The following PVT1 variants were observed in gnomAD, a reference collection of about 807,000 sequenced individuals.
PVT1 encodes the protein CXCR4/PVT1 fusion.
intron 6 of PVT1, among the ~76,000 whole-genome samples, chr8:128,097,551 G>T (rs1406231091): frequency 6.6e-6 from 1 of 152,146 alleles, no homozygotes; most frequent in Non-Finnish European, 1.5e-5. Context: ...TACAGAAAAA[G>T]TGTGCCAGTC....
chr8:128,074,635 A>G (rs973790427), intron 5 of PVT1, among the ~76,000 whole-genome samples: 7 of 146,908 alleles, frequency 4.8e-5, no homozygotes, highest in African/African-American at 1.9e-4. Flanking sequence ...TGGTTTTGAC[A>G]GAATAGTTGG....
intron 4 of PVT1, among the ~76,000 whole-genome samples, chr8:128,001,083 A>T (rs1212280380): frequency 6.6e-6 from 1 of 152,104 alleles, no homozygotes; most frequent in Non-Finnish European, 1.5e-5. Context: ...CAGGTTTCCA[A>T]GCTCATCACT....
At chr8:128,012,269 G>C (rs1236823507) in intron 4 of PVT1, among the ~76,000 whole-genome samples, 4 of 152,180 alleles carry the variant, frequency 2.6e-5, no homozygotes, top group Admixed American at 2.0e-4. Flanking sequence ...GCCAGGCTTG[G>C]ACCTGGGTCT....
intron 4 of PVT1, among the ~76,000 whole-genome samples, chr8:127,995,198 C>T (rs1376387951): frequency 6.6e-6 from 1 of 152,192 alleles, no homozygotes; most frequent in Non-Finnish European, 1.5e-5. Flanking sequence ...ACAGCCCCAT[C>T]ATTAAAACAA....
chr8:128,002,034 C>T (rs1224292194), intron 4 of PVT1, among the ~76,000 whole-genome samples: 1 of 152,202 alleles, frequency 6.6e-6, no homozygotes, highest in Non-Finnish European at 1.5e-5. Flanking sequence ...TCCTGCTCGA[C>T]CGAATTCACC....
At chr8:127,914,018 A>G (rs541212655) in intron 3 of PVT1, among the ~76,000 whole-genome samples, 14 of 152,256 alleles carry the variant, frequency 9.2e-5, no homozygotes, top group Admixed American at 5.2e-4. Context: ...TTGAGGCAGC[A>G]TACGAGTTTG....
intron 4 of PVT1, among the ~76,000 whole-genome samples, chr8:128,002,390 T>C (rs1166271028): frequency 6.6e-6 from 1 of 152,192 alleles, no homozygotes; most frequent in African/African-American, 2.4e-5. Flanking sequence ...ATGTGCAGAT[T>C]GGTCAGGGTG....
intron 2 of PVT1, among the ~76,000 whole-genome samples, chr8:127,882,093 T>C (rs1180828284): frequency 2.0e-5 from 3 of 152,200 alleles, no homozygotes; most frequent in Non-Finnish European, 2.9e-5. Flanking sequence ...GCTTAAGGGA[T>C]GTGCCCAAGG....
chr8:127,858,407 AAAATAAATAAATAAATAAAT>A (rs374974740), intron 2 of PVT1, among the ~76,000 whole-genome samples: 1 of 141,794 alleles, frequency 7.1e-6, no homozygotes, highest in African/African-American at 2.6e-5. Context: ...ACTCTGTCTC[AAAATAAATAAATAAATAAAT>A]AAATAAATAA....
intron 2 of PVT1, among the ~76,000 whole-genome samples, chr8:127,798,304 C>CA (rs1355435388): frequency 1.8e-3 from 257 of 143,936 alleles, no homozygotes; most frequent in African/African-American, 2.7e-3. Context: ...AACTCAGTCT[C>CA]AAAAAAAAAA....
At chr8:127,924,259 A>G (rs894004166) in intron 3 of PVT1, among the ~76,000 whole-genome samples, 2 of 152,138 alleles carry the variant, frequency 1.3e-5, no homozygotes, top group East Asian at 1.9e-4. Context: ...TTTTTTATAT[A>G]TAGCAGCTTT....
chr8:128,029,246 C>A (rs1476752176), intron 4 of PVT1, among the ~76,000 whole-genome samples: 3 of 151,974 alleles, frequency 2.0e-5, no homozygotes. Context: ...CCTCAGCCTT[C>A]CAAGTAGCTG....
intron 2 of PVT1, among the ~76,000 whole-genome samples, chr8:127,866,106 T>G (rs1815284386): frequency 6.6e-6 from 1 of 152,184 alleles, no homozygotes; most frequent in African/African-American, 2.4e-5. Context: ...CCCCTTCCTC[T>G]CCTGCCCTGC....
chr8:128,051,540 T>C (rs1347534654), intron 4 of PVT1, among the ~76,000 whole-genome samples: 1 of 152,232 alleles, frequency 6.6e-6, no homozygotes, highest in Non-Finnish European at 1.5e-5. Context: ...TATCACCTTC[T>C]CCTCTGCTTT....
At chr8:128,006,564 TCAC>T (rs1415426133) in intron 4 of PVT1, among the ~76,000 whole-genome samples, 4 of 152,204 alleles carry the variant, frequency 2.6e-5, no homozygotes, top group Admixed American at 2.0e-4. Flanking sequence ...TTGTTTCTCA[TCAC>T]ACTTTCACCA....
At chr8:127,930,224 T>A (rs1816187946) in intron 3 of PVT1, among the ~76,000 whole-genome samples, 3 of 152,216 alleles carry the variant, frequency 2.0e-5, no homozygotes, top group Admixed American at 2.0e-4. Context: ...TGGCATGATC[T>A]TAGCTCACTA....
chr8:128,015,262 G>A (rs752507686), intron 4 of PVT1, among the ~76,000 whole-genome samples: 1 of 151,718 alleles, frequency 6.6e-6, no homozygotes, highest in Non-Finnish European at 1.5e-5. Context: ...GCTACTTTTT[G>A]TATTTTTAGT....
At chr8:128,077,763 T>C (rs1415350651) in intron 5 of PVT1, among the ~76,000 whole-genome samples, 1 of 152,190 alleles carries the variant, frequency 6.6e-6, no homozygotes, top group Non-Finnish European at 1.5e-5. Flanking sequence ...TGTAGATAAA[T>C]GTAGAACAAG....
intron 3 of PVT1, among the ~76,000 whole-genome samples, chr8:127,910,828 C>T (rs1479957390): frequency 6.6e-6 from 1 of 151,886 alleles, no homozygotes; most frequent in Non-Finnish European, 1.5e-5. Context: ...TGTTCCAGCC[C>T]CAACAGTCTG....
Sources: gnomAD v4.1 joint callset for allele counts (sites outside exome capture counted in the v4.1 genomes callset) on GRCh38, gnomAD v4.1.1 for gene constraint, MANE v1.5 for transcripts, NCBI Gene and HGNC (gene_info 2026-07-23, HGNC 2026-07-21) for gene names.